Variants in YAP1 observed in about 807,000 individuals in gnomAD.
YAP1 encodes Yes1 associated transcriptional regulator, also known as transcriptional coactivator YAP1.
A neutral mutation model predicts 56.9 loss-of-function variants in YAP1; 5 were observed. The observed-to-expected ratio is 0.09, with a 90% CI of 0.05 to 0.18. The LOEUF is 0.18. Among genes scored for constraint, YAP1 ranks in the 10% least tolerant of loss-of-function variants. YAP1 has a pLI of 1.00. For synonymous variants in YAP1, 265 were observed against 248.1 expected (o/e 1.07, Z -0.64); for missense variants, 539 against 651.8 (o/e 0.83, Z 1.88).
chr11:102,185,204 G>A (rs916824933), intron 3 of YAP1, among the ~76,000 whole-genome samples: 1 of 152,300 alleles, frequency 6.6e-6, no homozygotes, highest in African/African-American at 2.4e-5. Context: ...GAATACTTTA[G>A]TTATTTATTC....
intron 2 of YAP1, among the ~76,000 whole-genome samples, chr11:102,152,093 G>A (rs1370328605): frequency 6.6e-6 from 1 of 152,206 alleles, no homozygotes; most frequent in Non-Finnish European, 1.5e-5. Flanking sequence ...AATAGGAAAT[G>A]CCCAACACCT....
intron 3 of YAP1, among the ~76,000 whole-genome samples, chr11:102,172,754 G>A (rs1466378178): frequency 1.3e-5 from 2 of 152,126 alleles, no homozygotes; most frequent in African/African-American, 4.8e-5. Context: ...GATAGGCTGG[G>A]GATGGAGGGA....
intron 4 of YAP1, among the ~76,000 whole-genome samples, chr11:102,200,994 G>T (rs1211666935): frequency 1.3e-5 from 2 of 152,150 alleles, no homozygotes; most frequent in African/African-American, 4.8e-5. Flanking sequence ...AACTCCTGGG[G>T]TGGGGCGGTG....
At position 102,114,321 on chromosome 11, in the gene YAP1, A is replaced by T; in HGVS notation, c.499A>T (p.Ile167Leu). 1 of 1,614,196 alleles carries T rather than the reference A, an allele frequency of 6.2e-7. No homozygotes were observed. Among genetic ancestry groups the T allele is most frequent in the Non-Finnish European group, 8.5e-7 (1 of 1,180,028 alleles). The change falls in exon 2 of 9, where the codon ATA (isoleucine) becomes TTA (leucine). Residue 167 changes from isoleucine to leucine, a missense_variant. Transcript: ENST00000282441. ...GCATCTTCGACAGTCTTCTTTTGAG[A>T]TACCTGATGATGTACCTCTGCCAGC... is the stretch of plus-strand genomic sequence containing the variant. Reference protein sequence around the residue: ...AQHLRQSSFEIPDDVPLPAGW... With the variant: ...AQHLRQSSFELPDDVPLPAGW...
At chr11:102,112,692 G>A in intron 1 of YAP1, 1 of 985,154 alleles carries the variant, frequency 1.0e-6, no homozygotes. Context: ...TTAAGGAGGA[G>A]GAAAGAAGGA....
chr11:102,157,275 T>C (rs774029407), intron 2 of YAP1, among the ~76,000 whole-genome samples: 4 of 152,240 alleles, frequency 2.6e-5, no homozygotes, highest in Non-Finnish European at 4.4e-5. Flanking sequence ...CATGGACATA[T>C]ACAAATATAA....
chr11:102,134,396 G>A (rs948770904), intron 2 of YAP1, among the ~76,000 whole-genome samples: 1 of 150,886 alleles, frequency 6.6e-6, no homozygotes, highest in African/African-American at 2.4e-5. Flanking sequence ...TTACATCTCA[G>A]TATTGTTCTG....
chr11:102,179,802 T>G (rs2135477862), intron 3 of YAP1, among the ~76,000 whole-genome samples: 1 of 152,248 alleles, frequency 6.6e-6, no homozygotes, highest in Non-Finnish European at 1.5e-5. Context: ...TGTTTATTGC[T>G]CCATCTCCAG....
chr11:102,213,719 A>G (rs1319158311), intron 6 of YAP1, among the ~76,000 whole-genome samples: 1 of 152,136 alleles, frequency 6.6e-6, no homozygotes, highest in Non-Finnish European at 1.5e-5. Flanking sequence ...CCCCTTTCTT[A>G]CCAGTAAAGA....
intron 8 of YAP1, among the ~76,000 whole-genome samples, chr11:102,228,497 T>TGG (rs963247815): frequency 6.6e-6 from 1 of 151,736 alleles, no homozygotes; most frequent in African/African-American, 2.4e-5. Context: ...TAGCCACATG[T>TGG]GGTGGTATGC....
intron 2 of YAP1, among the ~76,000 whole-genome samples, chr11:102,146,579 G>A (rs113487239): frequency 4.6e-5 from 7 of 152,092 alleles, no homozygotes; most frequent in African/African-American, 1.7e-4. Flanking sequence ...CCTGTAGCTC[G>A]TACTAATAAC....
intron 3 of YAP1, among the ~76,000 whole-genome samples, chr11:102,180,695 A>AAG (rs1212500259): frequency 1.3e-5 from 2 of 150,942 alleles, no homozygotes; most frequent in African/African-American, 4.9e-5. Flanking sequence ...AAAAAAAAAA[A>AAG]AAAAAAAGAA....
At chr11:102,193,862 G>A (rs1292996818) in intron 4 of YAP1, among the ~76,000 whole-genome samples, 12 of 148,892 alleles carry the variant, frequency 8.1e-5, no homozygotes, top group Non-Finnish European at 1.5e-4. Context: ...TTTTTGAGAC[G>A]GAGTCTCGCT....
intron 1 of YAP1, chr11:102,112,769 C>T (rs1476211841): frequency 1.0e-6 from 1 of 985,272 alleles, no homozygotes; most frequent in Non-Finnish European, 1.2e-6. Context: ...TCTTACCCCT[C>T]GAAGTGGGTT....
chr11:102,129,738 T>G (rs1326426225), intron 2 of YAP1, among the ~76,000 whole-genome samples: 11 of 152,006 alleles, frequency 7.2e-5, no homozygotes. Flanking sequence ...AGTCTTGTCC[T>G]TGTTTAGGTA....
At chr11:102,183,702 C>CTGTGTGTG (rs140546191) in intron 3 of YAP1, among the ~76,000 whole-genome samples, 7,300 of 141,750 alleles carry the variant, frequency 0.051, 239 homozygotes, top group Admixed American at 0.088. Flanking sequence ...AATGCTGTTT[C>CTGTGTGTG]TGTGTGTGTG....
chr11:102,186,150 A>G lies in YAP1; in HGVS notation c.802+19A>G, dbSNP rs200196704. ...CGTTTTGGTAAAGGTTCATCTCAAA[A>G]CCTTTTTAGATGCTTTTGGTTGCTA... is the stretch of plus-strand genomic sequence containing the variant. On this transcript the variant is annotated intron_variant, in intron 4 of 8. Coordinates refer to ENST00000282441, the MANE Select transcript of YAP1 (RefSeq NM_001130145.3). 9.2e-5 allele frequency: 148 copies of G among 1,604,866 alleles called. No individual in the cohort carries two copies. The Middle Eastern group carries it at 1.2e-3, about 13-fold the overall frequency.
chr11:102,182,061 C>T (rs1314463427), intron 3 of YAP1, among the ~76,000 whole-genome samples: 1 of 152,156 alleles, frequency 6.6e-6, no homozygotes, highest in African/African-American at 2.4e-5. Flanking sequence ...ACCTCGTGAT[C>T]CCCTGCCTCA....
intron 3 of YAP1, among the ~76,000 whole-genome samples, chr11:102,184,842 G>A (rs1402138281): frequency 2.6e-5 from 4 of 152,158 alleles, no homozygotes; most frequent in African/African-American, 9.7e-5. Context: ...AGTGGGTTAG[G>A]AATCACGCTG....
Sources: gnomAD v4.1 joint callset for allele counts (sites outside exome capture counted in the v4.1 genomes callset) on GRCh38, gnomAD v4.1.1 for gene constraint, MANE v1.5 for transcripts, NCBI Gene and HGNC (gene_info 2026-07-23, HGNC 2026-07-21) for gene names.